The following ZBTB20 variants were observed in gnomAD, a reference collection of about 807,000 sequenced individuals.
ZBTB20 encodes the protein zinc finger and BTB domain-containing protein 20.
Under a neutral mutation model 56.9 loss-of-function variants are expected in ZBTB20, and 9 were observed. The observed-to-expected ratio is 0.16, with a 90% CI of 0.10 to 0.28. The LOEUF (loss-of-function observed/expected upper bound fraction) is 0.28, where lower values mean the gene tolerates loss of function less well. Among genes scored for constraint, ZBTB20 ranks in the 10% least tolerant of loss-of-function variants. ZBTB20 has a pLI of 1.00. For missense variants in ZBTB20, 655 were observed against 1,003.0 expected, an observed-to-expected ratio of 0.65 and a Z score of 4.69; for synonymous variants, 417 against 420.7, an observed-to-expected ratio of 0.99 and a Z score of 0.11.
chr3:115,082,560 C>T (rs972310275), intron 1 of ZBTB20, among the ~76,000 whole-genome samples: 8 of 152,018 alleles, frequency 5.3e-5, no homozygotes, highest in East Asian at 3.8e-4. Flanking sequence ...TATGGACAAA[C>T]GGACGGGAAA....
intron 5 of ZBTB20, among the ~76,000 whole-genome samples, chr3:114,787,392 CATAT>C (rs35063307): frequency 7.2e-6 from 1 of 139,190 alleles, no homozygotes; most frequent in African/African-American, 2.8e-5. Flanking sequence ...CACACACACA[CATAT>C]ATATACATAT....
intron 4 of ZBTB20, among the ~76,000 whole-genome samples, chr3:114,807,456 CT>C (rs915871605): frequency 1.2e-4 from 18 of 148,296 alleles, no homozygotes; most frequent in African/African-American, 1.7e-4. Flanking sequence ...GCTGCTGCTT[CT>C]TTTTTTTTTC....
chr3:114,975,960 G>T (rs573892250), intron 2 of ZBTB20, among the ~76,000 whole-genome samples: 1 of 152,130 alleles, frequency 6.6e-6, no homozygotes, highest in African/African-American at 2.4e-5. Flanking sequence ...CTCAGTGAAT[G>T]AATGAACAGC....
chr3:114,701,657 G>A (rs1037795414), intron 5 of ZBTB20, among the ~76,000 whole-genome samples: 1 of 152,026 alleles, frequency 6.6e-6, no homozygotes, highest in Admixed American at 6.6e-5. Context: ...AAAAAGTTGC[G>A]AAGTGAGGTT....
At chr3:114,647,709 C>T (rs115705308) in intron 6 of ZBTB20, among the ~76,000 whole-genome samples, 100 of 152,108 alleles carry the variant, frequency 6.6e-4, no homozygotes, top group African/African-American at 2.4e-3. Flanking sequence ...TGTGTAAGTA[C>T]TCAGTAAATA....
At chr3:114,377,603 C>T (rs531727431) in intron 10 of ZBTB20, among the ~76,000 whole-genome samples, 1 of 152,280 alleles carries the variant, frequency 6.6e-6, no homozygotes, top group Admixed American at 6.5e-5. Context: ...TCATGTTTTA[C>T]AACCCAGTCA....
intron 3 of ZBTB20, among the ~76,000 whole-genome samples, chr3:114,940,360 C>T (rs891277262): frequency 7.1e-6 from 1 of 140,970 alleles, no homozygotes; most frequent in Non-Finnish European, 1.5e-5. Flanking sequence ...TTCATATAAA[C>T]TAAGAAAGGA....
chr3:114,832,386 C>T (rs1298204179), intron 4 of ZBTB20, among the ~76,000 whole-genome samples: 1 of 151,920 alleles, frequency 6.6e-6, no homozygotes, highest in East Asian at 1.9e-4. Context: ...CTTAGTATGC[C>T]AGTACTCCTC....
chr3:114,603,011 T>A (rs2056878690), intron 6 of ZBTB20, among the ~76,000 whole-genome samples: 1 of 152,044 alleles, frequency 6.6e-6, no homozygotes, highest in Non-Finnish European at 1.5e-5. Flanking sequence ...TTCTATGCAC[T>A]ATTTAATGTT....
chr3:115,101,110 T>C (rs1462934931), intron 1 of ZBTB20, among the ~76,000 whole-genome samples: 4 of 152,352 alleles, frequency 2.6e-5, no homozygotes, highest in Admixed American at 2.0e-4. Flanking sequence ...CACAATGCAA[T>C]GTACTCTGTG....
intron 5 of ZBTB20, among the ~76,000 whole-genome samples, chr3:114,753,589 C>A (rs1259627084): frequency 1.3e-5 from 2 of 151,650 alleles, no homozygotes; most frequent in Non-Finnish European, 2.9e-5. Context: ...CATGTGCTAC[C>A]ACGCCCAGCT....
chr3:115,117,710 G>A (rs947314701), intron 1 of ZBTB20, among the ~76,000 whole-genome samples: 3 of 151,436 alleles, frequency 2.0e-5, no homozygotes, highest in African/African-American at 7.3e-5. Context: ...ATTTAGTTAT[G>A]TAATCCATCT....
intron 10 of ZBTB20, among the ~76,000 whole-genome samples, chr3:114,360,368 G>T (rs1405747252): frequency 6.9e-6 from 1 of 145,306 alleles, no homozygotes; most frequent in African/African-American, 2.5e-5. Context: ...TTTTGAGACG[G>T]AGTCTTGTTC....
intron 7 of ZBTB20, among the ~76,000 whole-genome samples, chr3:114,457,209 TTATATATAACAC>T (rs901938351): frequency 6.6e-6 from 1 of 152,168 alleles, no homozygotes; most frequent in Non-Finnish European, 1.5e-5. Context: ...AAACACATAT[TTATATATAACAC>T]TGCAAAAGTC....
intron 4 of ZBTB20, among the ~76,000 whole-genome samples, chr3:114,896,137 C>T (rs1224498418): frequency 1.3e-5 from 2 of 152,132 alleles, no homozygotes; most frequent in Admixed American, 1.3e-4. Context: ...GAAATCAATG[C>T]TATTCACAAA....
intron 11 of ZBTB20, among the ~76,000 whole-genome samples, chr3:114,348,849 C>T (rs1027181066): frequency 6.6e-6 from 1 of 152,064 alleles, no homozygotes; most frequent in Non-Finnish European, 1.5e-5. Context: ...AATTTGTTTT[C>T]ATGTATCAGA....
In ZBTB20 at chr3:114,336,143, G is replaced by T. The variant is rs2079445722; in HGVS notation, c.*2862C>A. The T allele has an allele frequency of 6.6e-6, 1 of 152,046 alleles. No homozygotes were observed. Among genetic ancestry groups the T allele is most frequent in the South Asian group, 2.1e-4 (1 of 4,816 alleles). The allele number at this position is 152,046 out of a possible 1,614,324, so 9.4% of individuals were successfully genotyped here. The stretch of plus-strand genomic sequence containing the variant: ...TTTAAAATATTTTAAAGTGGCTTTT[G>T]GCCTTCTTTCATTTGTAACATGTAT... On this transcript the variant is annotated 3_prime_UTR_variant, in exon 12 of 12. Coordinates refer to ENST00000675478, the MANE Select transcript of ZBTB20 (RefSeq NM_001348800.3).
intron 7 of ZBTB20, among the ~76,000 whole-genome samples, chr3:114,434,666 A>G (rs1457835778): frequency 1.3e-5 from 2 of 152,042 alleles, no homozygotes; most frequent in African/African-American, 4.8e-5. Flanking sequence ...AATTGAAAAA[A>G]TACGGTTTCT....
At chr3:114,442,876 A>AT (rs1318724465) in intron 7 of ZBTB20, among the ~76,000 whole-genome samples, 6 of 152,034 alleles carry the variant, frequency 3.9e-5, no homozygotes, top group African/African-American at 1.2e-4. Flanking sequence ...CATCATTTCC[A>AT]TTTTTTAGAC....
Sources: allele counts gnomAD v4.1 joint callset (sites outside exome capture counted in the v4.1 genomes callset), GRCh38; gene constraint gnomAD v4.1.1; transcripts MANE v1.5; gene names NCBI Gene and HGNC (gene_info 2026-07-23, HGNC 2026-07-21).